The following MAN1A2 variants were observed in gnomAD, a reference collection of about 807,000 sequenced individuals.
MAN1A2 encodes the protein mannosyl-oligosaccharide 1,2-alpha-mannosidase IB.
In MAN1A2, 26 loss-of-function variants were observed where a neutral mutation model predicts 75.7. The observed-to-expected ratio is 0.34, with a 90% CI of 0.25 to 0.48. The LOEUF is 0.48. Ranked by LOEUF, MAN1A2 falls within the 20% of genes least tolerant of loss-of-function variation. MAN1A2 has a pLI of 0.99. For synonymous variants in MAN1A2, 247 were observed against 264.6 expected, an observed-to-expected ratio of 0.93 and a Z score of 0.65; for missense variants, 562 against 775.5, an observed-to-expected ratio of 0.72 and a Z score of 3.27.
intron 7 of MAN1A2, among the ~76,000 whole-genome samples, chr1:117,462,253 T>C (rs1649845378): frequency 6.6e-6 from 1 of 152,158 alleles, no homozygotes; most frequent in Admixed American, 6.6e-5. Context: ...ATTCGGTATG[T>C]ACATTTACAT....
rs1480728999 is a variant in MAN1A2, at chr1:117,405,603, C to A, written c.613C>A (p.Leu205Ile). The change falls in exon 3 of 13, where the codon CTC (leucine) becomes ATC (isoleucine). Residue 205 changes from leucine to isoleucine, a missense_variant. Physicochemically the swap from Leu to Ile is conservative, Grantham distance 5. Around this residue, in one of 2 missense-constraint regions of MAN1A2, gnomAD observed 434 missense variants for 645.7 expected, o/e 0.67. Transcript: ENST00000356554. ...YRTYGWGHNELRPIARKGHSP... is the reference protein window; with the variant it reads ...YRTYGWGHNEIRPIARKGHSP... ...GACATATGGGTGGGGACATAATGAA[C>A]TCAGACCTATTGCAAGGAAAGGACA... The A allele has an allele frequency of 2.5e-6, 4 of 1,609,602 alleles. No individual in the cohort carries two copies. The East Asian group carries it at 8.9e-5, about 36-fold the overall frequency.
rs5777311 is a variant in MAN1A2 at position 117,458,523 on chromosome 1, A to ATTTTTTTTTTTTTTT, written c.951-1963_951-1949dup. On this transcript the variant is annotated intron_variant, in intron 6 of 12. Coordinates refer to ENST00000356554, the MANE Select transcript of MAN1A2 (RefSeq NM_006699.5). Reference sequence around the variant, plus strand: ...TATATATATATATAGATATATATATATTTTTTTTTTTTTTTTTGAGACAGA... The same window carrying ATTTTTTTTTTTTTTT: ...TATATATATATATAGATATATATATATTTTTTTTTTTTTTTTTTTTTTTTTTTTTTTTGAGACAGA... 4.6e-3 allele frequency among the ~76,000 whole-genome samples: 481 copies of ATTTTTTTTTTTTTTT among 105,350 alleles called. 8 individuals carry two copies. The highest frequency in any genetic ancestry group is 5.4e-3 in the Non-Finnish European group (271 of 50,032). The allele number at this position is 105,350 out of a possible 152,430, so 69.1% of individuals were successfully genotyped here.
intron 7 of MAN1A2, 88 bp from the exon 8 acceptor site, chr1:117,466,246 A>C: frequency 3.7e-6 from 3 of 819,198 alleles, no homozygotes; most frequent in South Asian, 3.7e-5. Context: ...GTAGATTCTG[A>C]GTAAGAAAAA....
chr1:117,429,354 G>A (rs2101792988), intron 5 of MAN1A2, among the ~76,000 whole-genome samples: 1 of 139,466 alleles, frequency 7.2e-6, no homozygotes, highest in East Asian at 2.1e-4. Flanking sequence ...GGGCAGAGGG[G>A]CTCCTCACTT....
intron 1 of MAN1A2, among the ~76,000 whole-genome samples, chr1:117,386,065 A>G (rs1455083751): frequency 6.6e-6 from 1 of 152,206 alleles, no homozygotes; most frequent in Non-Finnish European, 1.5e-5. Flanking sequence ...GATGTTAGGA[A>G]GATTAAGTAT....
At chr1:117,500,652 A>G (rs918782471) in intron 11 of MAN1A2, among the ~76,000 whole-genome samples, 2 of 151,862 alleles carry the variant, frequency 1.3e-5, no homozygotes, top group Admixed American at 1.3e-4. Flanking sequence ...CAATAAGAGC[A>G]TATTAATGGA....
rs1394864265 is a variant in MAN1A2 at position 117,460,478 on chromosome 1, T to C, written c.951-11T>C. 2 of 1,598,252 alleles carry C rather than the reference T, an allele frequency of 1.3e-6. No individual in the cohort carries two copies. The highest frequency in any genetic ancestry group is 1.7e-6 in the Non-Finnish European group (2 of 1,174,530). ...ATCCTGTGTCTCCTTTTACTTTTCCTTTTCATTCAGTGGAGTAGGGCGAAA... is the reference window on the plus strand; with the variant it reads ...ATCCTGTGTCTCCTTTTACTTTTCCCTTTCATTCAGTGGAGTAGGGCGAAA... On this transcript the variant is annotated splice_polypyrimidine_tract_variant and intron_variant, in intron 6 of 12. Coordinates refer to ENST00000356554, the MANE Select transcript of MAN1A2 (RefSeq NM_006699.5).
intron 6 of MAN1A2, among the ~76,000 whole-genome samples, chr1:117,445,882 G>GTATATATATATATATA: frequency 7.4e-6 from 1 of 134,860 alleles, no homozygotes; most frequent in South Asian, 2.4e-4. Context: ...GTCTGTGTGT[G>GTATATATATATATATA]TGTATATATA....
At chr1:117,485,502 T>C (rs1164532388) in intron 8 of MAN1A2, among the ~76,000 whole-genome samples, 1 of 151,826 alleles carries the variant, frequency 6.6e-6, no homozygotes, top group Non-Finnish European at 1.5e-5. Context: ...TTGCAGAACA[T>C]AGAGTGGCTG....
Position 117,499,530 on chromosome 1 carries a change from G to T in MAN1A2, c.1653G>T (p.Arg551Ser). 1 of 1,605,518 alleles carries T rather than the reference G, an allele frequency of 6.2e-7. No individual in the cohort carries two copies. Among genetic ancestry groups the T allele is most frequent in the Non-Finnish European group, 8.5e-7 (1 of 1,175,884 alleles). Residue 551 changes from arginine to serine, a missense_variant, in exon 11 of 13, where the codon AGG (arginine) becomes AGT (serine). By Grantham distance (110) the Arg-to-Ser change is moderately radical. Transcript: ENST00000356554. ...GATTCACTCACGATCCAAGATACAG[G>T]CAGTGGGGCTGGGAAGCAGCACTGG... ...LWRFTHDPRY[R>S]QWGWEAALAI...
intron 5 of MAN1A2, among the ~76,000 whole-genome samples, chr1:117,429,571 G>T (rs1224635865): frequency 1.0e-5 from 1 of 98,290 alleles, no homozygotes; most frequent in African/African-American, 3.9e-5. Flanking sequence ...GCGGCTGGCC[G>T]GGCGGGGGGC....
At chr1:117,441,968 T>C (rs942785636) in intron 5 of MAN1A2, among the ~76,000 whole-genome samples, 2 of 152,174 alleles carry the variant, frequency 1.3e-5, no homozygotes, top group African/African-American at 2.4e-5. Flanking sequence ...CAGATGAAAA[T>C]AGACTATCAA....
At chr1:117,422,606 T>C (rs1648233746) in intron 5 of MAN1A2, among the ~76,000 whole-genome samples, 1 of 152,132 alleles carries the variant, frequency 6.6e-6, no homozygotes, top group Non-Finnish European at 1.5e-5. Flanking sequence ...TTATTATTGT[T>C]AGCCATTCTA....
chr1:117,496,587 T>G (rs942112441), intron 9 of MAN1A2, among the ~76,000 whole-genome samples, 176 bp from the exon 10 acceptor site: 13 of 152,114 alleles, frequency 8.5e-5, no homozygotes, highest in Middle Eastern at 3.4e-3. Flanking sequence ...GGTTCCAGAT[T>G]ATATGCAATT....
intron 1 of MAN1A2, among the ~76,000 whole-genome samples, chr1:117,376,033 G>A (rs867568701): frequency 6.6e-6 from 1 of 151,026 alleles, no homozygotes; most frequent in Non-Finnish European, 1.5e-5. Flanking sequence ...TGCCTCAGCC[G>A]CCCGAGTAGC....
At chr1:117,429,377 G>T (rs1269845619) in intron 5 of MAN1A2, among the ~76,000 whole-genome samples, 1 of 137,698 alleles carries the variant, frequency 7.3e-6, no homozygotes, top group Non-Finnish European at 1.6e-5. Context: ...CAGTAGGGGC[G>T]GCCGGGCAGA....
chr1:117,417,690 G>GCACACACA (rs34249748), intron 4 of MAN1A2, among the ~76,000 whole-genome samples: 6,319 of 142,564 alleles, frequency 0.044, 206 homozygotes, highest in Non-Finnish European at 0.071. Context: ...AAGTAGGCGT[G>GCACACACA]CACACACACA....
chr1:117,496,834 C>T lies in MAN1A2; in HGVS notation c.1356C>T (p.His452=), dbSNP rs776891311. The part of the protein sequence containing the change: ...LTFIGEWKNG[H]LEKKMGHLAC... ...TTATTGGAGAATGGAAGAATGGGCA[C>T]TTGGAAAAAAAGATGGGGCATTTGG... Residue 452 remains histidine (H), a synonymous_variant, in exon 10 of 13, where the codon CAC becomes CAT. Coordinates refer to ENST00000356554, the MANE Select transcript of MAN1A2 (RefSeq NM_006699.5). The T allele has an allele frequency of 1.2e-6, 2 of 1,612,526 alleles. No homozygotes were observed. The highest frequency in any genetic ancestry group is 2.2e-5 in the South Asian group (2 of 91,016).
intron 3 of MAN1A2, 137 bp from the exon 4 acceptor site, chr1:117,414,576 T>A: frequency 2.0e-6 from 1 of 509,018 alleles, no homozygotes. Context: ...TTAGTCCTTA[T>A]ACTCTTACTT....
Sources: gnomAD v4.1 joint callset for allele counts (sites outside exome capture counted in the v4.1 genomes callset) on GRCh38, gnomAD v4.1.1 for gene constraint, gnomAD v4.1.1 regional missense constraint, MANE v1.5 for transcripts, NCBI Gene and HGNC (gene_info 2026-07-23, HGNC 2026-07-21) for gene names.